Variants in PIP4K2A observed in about 807,000 individuals in gnomAD.
PIP4K2A encodes phosphatidylinositol 5-phosphate 4-kinase type-2 alpha.
In PIP4K2A, 14 loss-of-function variants were observed where a neutral mutation model predicts 42.9. The ratio of observed to expected loss-of-function variants is 0.33; its 90% CI spans 0.22 to 0.51. PIP4K2A has a LOEUF of 0.51. Ranked by LOEUF, PIP4K2A falls within the 20% of genes least tolerant of loss-of-function variation. The pLI is 0.97. For synonymous variants in PIP4K2A, 192 were observed against 192.2 expected, an observed-to-expected ratio of 1.00 and a Z score of 0.01; for missense variants, 434 against 519.8, an observed-to-expected ratio of 0.83 and a Z score of 1.61.
At chr10:22,546,530 G>C (rs565416088) in intron 7 of PIP4K2A, among the ~76,000 whole-genome samples, 8 of 152,110 alleles carry the variant, frequency 5.3e-5, no homozygotes, top group African/African-American at 1.9e-4. Context: ...TCCTGCTTCA[G>C]CTTCCCTAGT....
intron 8 of PIP4K2A, among the ~76,000 whole-genome samples, chr10:22,540,461 T>C (rs1365712617): frequency 6.6e-6 from 1 of 152,040 alleles, no homozygotes; most frequent in Non-Finnish European, 1.5e-5. Context: ...ACAGAACTAA[T>C]TATGTACACT....
At position 22,603,329 on chromosome 10, in the gene PIP4K2A, A is replaced by T. The variant is rs1184773535; in HGVS notation, c.339+4598T>A. 2.0e-5 allele frequency among the ~76,000 whole-genome samples: 3 copies of T among 152,142 alleles called. No individual in the cohort carries two copies. The East Asian group carries it at 5.8e-4, about 29-fold the overall frequency. On this transcript the variant is annotated intron_variant, in intron 3 of 9. Coordinates refer to ENST00000376573, the MANE Select transcript of PIP4K2A (RefSeq NM_005028.5). ...AACAGCATCAGCTCCCTCCTGCATA[A>T]CTTTTTGGTTTCTGGGAGGCAACCC... is the stretch of plus-strand genomic sequence containing the variant.
At position 22,640,154 on chromosome 10, in the gene PIP4K2A, A is replaced by C. The variant is rs1838751758; in HGVS notation, c.145-30437T>G. On this transcript the variant is annotated intron_variant, in intron 1 of 9. Coordinates refer to ENST00000376573, the MANE Select transcript of PIP4K2A (RefSeq NM_005028.5). ...GTGTTTTGAATGATCACTTTTATTA[A>C]AACACAATCCTCTACATGAAGCTCA... Among the ~76,000 whole-genome samples, 3 of 152,096 alleles carry C rather than the reference A, an allele frequency of 2.0e-5. No homozygotes were observed. The South Asian group carries it at 6.2e-4, about 32-fold the overall frequency.
chr10:22,664,132 TATATATATAC>T (rs1839283580), intron 1 of PIP4K2A, among the ~76,000 whole-genome samples: 2 of 54,474 alleles, frequency 3.7e-5, no homozygotes, highest in African/African-American at 3.5e-4. Context: ...TATATATACA[TATATATATAC>T]ATATATATAC....
At chr10:22,611,270 G>C (rs995110155) in intron 1 of PIP4K2A, among the ~76,000 whole-genome samples, 5 of 152,086 alleles carry the variant, frequency 3.3e-5, no homozygotes, top group African/African-American at 1.2e-4. Context: ...TGCACCTGTA[G>C]TCCCAGCTAC....
intron 4 of PIP4K2A, among the ~76,000 whole-genome samples, chr10:22,586,492 A>G (rs1025271607): frequency 2.0e-5 from 3 of 152,304 alleles, no homozygotes; most frequent in African/African-American, 7.2e-5. Flanking sequence ...TACAAGAACG[A>G]TATTTAATTA....
At chr10:22,574,459 T>TTTTA (rs56330709) in intron 4 of PIP4K2A, among the ~76,000 whole-genome samples, 1 of 150,338 alleles carries the variant, frequency 6.7e-6, no homozygotes, top group Non-Finnish European at 1.5e-5. Context: ...TTTTTTTTTT[T>TTTTA]ACAATGAGCA....
At chr10:22,706,830 G>A (rs1019783033) in intron 1 of PIP4K2A, among the ~76,000 whole-genome samples, 16 of 152,168 alleles carry the variant, frequency 1.1e-4, no homozygotes, top group African/African-American at 3.9e-4. Context: ...AGAAAGCAAA[G>A]CAAGGGCACA....
chr10:22,579,517 T>C (rs1308429005), intron 4 of PIP4K2A, among the ~76,000 whole-genome samples: 1 of 152,204 alleles, frequency 6.6e-6, no homozygotes, highest in African/African-American at 2.4e-5. Context: ...AGCTCCTCCC[T>C]ATCCTCACCC....
intron 3 of PIP4K2A, among the ~76,000 whole-genome samples, chr10:22,596,205 CA>C (rs10681238): frequency 2.6e-4 from 18 of 69,664 alleles, no homozygotes; most frequent in African/African-American, 7.0e-4. Context: ...AACTCCGTCT[CA>C]AAAAAAAAAA....
intron 1 of PIP4K2A, among the ~76,000 whole-genome samples, chr10:22,693,290 T>C (rs1164776613): frequency 6.6e-6 from 1 of 152,196 alleles, no homozygotes; most frequent in Non-Finnish European, 1.5e-5. Context: ...TTCATTTTTT[T>C]TTTAGCTGAT....
rs74123070 is a variant in PIP4K2A at position 22,541,015 on chromosome 10, A to G, written c.1036+789T>C. Among the ~76,000 whole-genome samples, 1,350 of 152,358 alleles carry G rather than the reference A, an allele frequency of 8.9e-3. 20 individuals carry two copies. Among genetic ancestry groups the G allele is most frequent in the African/African-American group, 0.03 (1,262 of 41,586 alleles). On this transcript the variant is annotated intron_variant, in intron 8 of 9. Coordinates refer to ENST00000376573, the MANE Select transcript of PIP4K2A (RefSeq NM_005028.5). ...GCCATTTGAGATTAAAAAACAACTG[A>G]TGAGCCACAGTTTTTATTATTCAAA...
intron 1 of PIP4K2A, among the ~76,000 whole-genome samples, chr10:22,664,168 CAT>C (rs565032217): frequency 0.028 from 846 of 30,158 alleles, 69 homozygotes; most frequent in African/African-American, 0.11. Context: ...TATATATATA[CAT>C]ATATATATAT....
At chr10:22,590,106 A>C (rs911529769) in intron 4 of PIP4K2A, among the ~76,000 whole-genome samples, 3 of 152,184 alleles carry the variant, frequency 2.0e-5, no homozygotes, top group Non-Finnish European at 4.4e-5. Context: ...AACACACGTG[A>C]GGCTACAGTG....
intron 4 of PIP4K2A, among the ~76,000 whole-genome samples, chr10:22,577,308 G>A (rs1837147526): frequency 6.6e-6 from 1 of 151,910 alleles, no homozygotes; most frequent in South Asian, 2.1e-4. Context: ...TTGAATATTT[G>A]TCCCCTCTAA....
At chr10:22,672,345 G>T (rs1384042260) in intron 1 of PIP4K2A, among the ~76,000 whole-genome samples, 1 of 152,116 alleles carries the variant, frequency 6.6e-6, no homozygotes. Flanking sequence ...CACTGTCCTT[G>T]AACAATGAAC....
chr10:22,588,136 G>A (rs1588645818), intron 4 of PIP4K2A, among the ~76,000 whole-genome samples: 1 of 152,114 alleles, frequency 6.6e-6, no homozygotes, highest in African/African-American at 2.4e-5. Flanking sequence ...ACCTTTAATG[G>A]TCAACGTTTG....
rs11594396 is a variant in PIP4K2A at position 22,664,176 on chromosome 10, T to C, written c.144+50007A>G. Among the ~76,000 whole-genome samples, 19 of 77,280 alleles carry C rather than the reference T, an allele frequency of 2.5e-4. 2 individuals are homozygous for C. The highest frequency in any genetic ancestry group is 1.3e-3 in the East Asian group (5 of 3,726). 50.7% of individuals were successfully genotyped at this position (77,280 alleles called of 152,430 possible). On this transcript the variant is annotated intron_variant, in intron 1 of 9. Coordinates refer to ENST00000376573, the MANE Select transcript of PIP4K2A (RefSeq NM_005028.5). The stretch of plus-strand genomic sequence containing the variant: ...ACACATATATATATATACATATATA[T>C]ATATACATATATATACATATATATA...
chr10:22,645,664 A>G (rs1838864850), intron 1 of PIP4K2A, among the ~76,000 whole-genome samples: 1 of 151,772 alleles, frequency 6.6e-6, no homozygotes, highest in Non-Finnish European at 1.5e-5. Flanking sequence ...AAATGTCTTG[A>G]AAAACATGAA....
Sources: gnomAD v4.1 joint callset for allele counts (sites outside exome capture counted in the v4.1 genomes callset) on GRCh38, gnomAD v4.1.1 for gene constraint, MANE v1.5 for transcripts, NCBI Gene and HGNC (gene_info 2026-07-23, HGNC 2026-07-21) for gene names.